SGSM1: variants seen among roughly 807,000 people sequenced by gnomAD.
SGSM1 encodes RUN and TBC1 domain containing 2.
A neutral mutation model predicts 133.8 loss-of-function variants in SGSM1; 73 were observed. The ratio of observed to expected loss-of-function variants is 0.55; its 90% CI spans 0.45 to 0.66. The LOEUF is 0.66. SGSM1 is among the 30% of genes least tolerant of loss of function. The pLI, the probability that SGSM1 is intolerant of heterozygous loss-of-function variation, is 0.00. For missense variants in SGSM1, 1,213 were observed against 1,448.1 expected (o/e 0.84, Z 2.64); for synonymous variants, 563 against 573.0 (o/e 0.98, Z 0.25).
At chr22:24,867,000 G>A (rs1569154898) in intron 9 of SGSM1, 93 bp from the exon 10 acceptor site, 2 of 1,170,560 alleles carry the variant, frequency 1.7e-6, no homozygotes, top group Admixed American at 3.9e-5. Flanking sequence ...GAAGGGTGGA[G>A]GAGCTCCTGG....
chr22:24,861,340 A>C (rs1007599792), intron 9 of SGSM1, among the ~76,000 whole-genome samples: 2 of 139,978 alleles, frequency 1.4e-5, no homozygotes, highest in African/African-American at 5.4e-5. Flanking sequence ...TGACAGGGCG[A>C]GACTCTGTCT....
chr22:24,903,673 G>A (rs943547396), intron 20 of SGSM1, among the ~76,000 whole-genome samples: 1 of 152,084 alleles, frequency 6.6e-6, no homozygotes, highest in African/African-American at 2.4e-5. Flanking sequence ...CCTTTGAGAT[G>A]GATTTTGACA....
intron 20 of SGSM1, among the ~76,000 whole-genome samples, chr22:24,902,621 G>A (rs1358908511): frequency 6.6e-6 from 1 of 152,120 alleles, no homozygotes; most frequent in Admixed American, 6.6e-5. Flanking sequence ...AGAGGTTAGA[G>A]GGTTGTAGTG....
chr22:24,806,573 G>A (rs1229313658), intron 2 of SGSM1, 89 bp downstream of exon 2: 5 of 1,425,830 alleles, frequency 3.5e-6, no homozygotes, highest in Non-Finnish European at 3.7e-6. Flanking sequence ...GTGGCCTCTG[G>A]CGGCGGGGGG....
chr22:24,890,428 AAAGT>A (rs112775241), intron 16 of SGSM1, among the ~76,000 whole-genome samples: 16,977 of 152,178 alleles, frequency 0.11, 2,553 homozygotes, highest in African/African-American at 0.35. Flanking sequence ...TTATGTAACT[AAAGT>A]AAGTACACTG....
At position 24,857,576 on chromosome 22, in the gene SGSM1, A is replaced by G. The variant is rs1930880881; in HGVS notation, c.801+1896A>G. Among the ~76,000 whole-genome samples, 4 of 152,334 alleles carry G rather than the reference A, an allele frequency of 2.6e-5. No homozygotes were observed. In the South Asian group the frequency reaches 6.2e-4, roughly 24 times the overall value. On this transcript the variant is annotated intron_variant, in intron 8 of 24. Transcript: ENST00000400358. ...TTTAATCTATATCACTTTTATAAGTAACACACAGGGAAAATATCATTGAAA... is the reference window on the plus strand; with the variant it reads ...TTTAATCTATATCACTTTTATAAGTGACACACAGGGAAAATATCATTGAAA...
chr22:24,892,770 C>T (rs1223801289), intron 16 of SGSM1, among the ~76,000 whole-genome samples: 1 of 149,422 alleles, frequency 6.7e-6, no homozygotes, highest in Non-Finnish European at 1.5e-5. Context: ...CACTTTTGGC[C>T]GGGCGCAGTG....
intron 12 of SGSM1, among the ~76,000 whole-genome samples, chr22:24,869,789 C>T (rs1476446169): frequency 1.3e-5 from 2 of 152,152 alleles, no homozygotes; most frequent in Non-Finnish European, 2.9e-5. Context: ...GCAGGTTGCA[C>T]GGTGCCTGCC....
intron 24 of SGSM1, among the ~76,000 whole-genome samples, chr22:24,921,104 CTT>C (rs879437883): frequency 2.1e-5 from 3 of 146,172 alleles, no homozygotes; most frequent in Non-Finnish European, 1.5e-5. Flanking sequence ...TTCATATAAT[CTT>C]TTTTTTTTTT....
Position 24,834,542 on chromosome 22 carries a change from G to A in SGSM1, c.64-10355G>A, listed in dbSNP as rs117664105. Among the ~76,000 whole-genome samples the A allele has an allele frequency of 5.3e-3, 800 of 152,260 alleles. 4 individuals are homozygous for A. The highest frequency in any genetic ancestry group is 8.3e-3 in the Non-Finnish European group (566 of 68,026). On this transcript the variant is annotated intron_variant, in intron 2 of 24. Coordinates refer to ENST00000400358, the MANE Select transcript of SGSM1 (RefSeq NM_001098497.3). ...TACTCTGTAGACCTTTACAGAAAAAGTTTGCCGGGTACATGGAATGGGCAG... is the reference window on the plus strand; with the variant it reads ...TACTCTGTAGACCTTTACAGAAAAAATTTGCCGGGTACATGGAATGGGCAG...
At chr22:24,817,486 G>A (rs1403241585) in intron 2 of SGSM1, among the ~76,000 whole-genome samples, 2 of 151,990 alleles carry the variant, frequency 1.3e-5, no homozygotes, top group Non-Finnish European at 1.5e-5. Context: ...CTAAGTAGCT[G>A]GGATTACAGG....
intron 8 of SGSM1, among the ~76,000 whole-genome samples, chr22:24,858,445 T>C (rs1569150944): frequency 6.6e-6 from 1 of 151,848 alleles, no homozygotes. Flanking sequence ...CGAAACCCTA[T>C]CTCTACTAAA....
intron 2 of SGSM1, among the ~76,000 whole-genome samples, chr22:24,817,670 G>T (rs899026159): frequency 2.1e-4 from 32 of 151,702 alleles, no homozygotes; most frequent in African/African-American, 7.0e-4. Flanking sequence ...CTCAGCTTTC[G>T]TCAGGACCTC....
chr22:24,878,973 C>T (rs1031937399), intron 13 of SGSM1, among the ~76,000 whole-genome samples: 2 of 152,210 alleles, frequency 1.3e-5, no homozygotes, highest in African/African-American at 4.8e-5. Context: ...TTCTTCAGCT[C>T]TTGGCTCTGC....
At chr22:24,912,814 G>A (rs1601990002) in intron 22 of SGSM1, 62 bp downstream of exon 22, 1 of 1,199,046 alleles carries the variant, frequency 8.3e-7, no homozygotes, top group Admixed American at 2.0e-5. Flanking sequence ...AAAGCTTAGT[G>A]GCTCCAGACT....
At chr22:24,853,627 G>A (rs543040861) in intron 5 of SGSM1, among the ~76,000 whole-genome samples, 15 of 151,424 alleles carry the variant, frequency 9.9e-5, no homozygotes, top group African/African-American at 3.6e-4. Flanking sequence ...TTTTTTTTGA[G>A]ATGGAGTCTT....
At chr22:24,853,511 A>G (rs1294737571) in intron 5 of SGSM1, among the ~76,000 whole-genome samples, 3 of 152,226 alleles carry the variant, frequency 2.0e-5, no homozygotes, top group Non-Finnish European at 4.4e-5. Flanking sequence ...TGCTGCTGAT[A>G]AAGATATACC....
chr22:24,896,048 C>A (rs754893638), intron 18 of SGSM1, among the ~76,000 whole-genome samples: 2 of 152,014 alleles, frequency 1.3e-5, no homozygotes, highest in African/African-American at 2.4e-5. Flanking sequence ...AACCCTGTCT[C>A]ACACACACGC....
rs1853552436 is a variant in SGSM1 at position 24,887,480 on chromosome 22, C to T, written c.1770+752C>T. ...AGTATTCCATGATGTGGCTGTAGCACCTGTTGCTAGACAGCTGAGTTGTTT... is the reference window on the plus strand; with the variant it reads ...AGTATTCCATGATGTGGCTGTAGCATCTGTTGCTAGACAGCTGAGTTGTTT... On this transcript the variant is annotated intron_variant, in intron 16 of 24. Coordinates refer to ENST00000400358, the MANE Select transcript of SGSM1 (RefSeq NM_001098497.3). Among the ~76,000 whole-genome samples, 3 of 152,166 alleles carry T rather than the reference C, an allele frequency of 2.0e-5. No individual in the cohort carries two copies. In the South Asian group the frequency reaches 6.2e-4, roughly 32 times the overall value.
Sources: allele counts gnomAD v4.1 joint callset (sites outside exome capture counted in the v4.1 genomes callset), GRCh38; gene constraint gnomAD v4.1.1; transcripts MANE v1.5; gene names NCBI Gene and HGNC (gene_info 2026-07-23, HGNC 2026-07-21).